The following ANKHD1 variants were observed in gnomAD, a reference collection of about 807,000 sequenced individuals.
The protein encoded by ANKHD1 is ankyrin repeat and KH domain containing 1, also known as ankyrin repeat and KH domain-containing protein 1.
A neutral mutation model predicts 230.5 loss-of-function variants in ANKHD1; 31 were observed. The ratio of observed to expected loss-of-function variants is 0.13; its 90% CI spans 0.10 to 0.18. ANKHD1 has a LOEUF of 0.18. Among genes scored for constraint, ANKHD1 ranks in the 10% least tolerant of loss-of-function variants. The pLI, the probability that ANKHD1 is intolerant of heterozygous loss-of-function variation, is 1.00. For missense variants in ANKHD1, 2,256 were observed against 3,071.3 expected (o/e 0.73, Z 6.27); for synonymous variants, 1,074 against 1,117.6 (o/e 0.96, Z 0.78).
At chr5:140,461,754 T>C (rs896290167) in intron 9 of ANKHD1, among the ~76,000 whole-genome samples, 2 of 152,184 alleles carry the variant, frequency 1.3e-5, no homozygotes, top group Non-Finnish European at 2.9e-5. Flanking sequence ...GTGTTAATAT[T>C]CAGTATTTAA....
intron 1 of ANKHD1, among the ~76,000 whole-genome samples, chr5:140,422,021 T>C (rs1169466098): frequency 6.6e-6 from 1 of 152,196 alleles, no homozygotes; most frequent in Non-Finnish European, 1.5e-5. Flanking sequence ...TCTTGGTTAA[T>C]TTGGGGTAGG....
intron 1 of ANKHD1, among the ~76,000 whole-genome samples, chr5:140,402,652 C>G (rs1581189674): frequency 6.6e-6 from 1 of 152,326 alleles, no homozygotes; most frequent in African/African-American, 2.4e-5. Context: ...AGAGCTGGTG[C>G]AAAGATCGTT....
intron 15 of ANKHD1, among the ~76,000 whole-genome samples, chr5:140,497,616 G>A (rs576492300): frequency 2.6e-5 from 4 of 152,244 alleles, no homozygotes; most frequent in Admixed American, 2.0e-4. Flanking sequence ...AGAAGTATTC[G>A]TATAAGATTA....
Position 140,401,892 on chromosome 5 carries a change from C to T in ANKHD1, c.-76C>T, listed in dbSNP as rs748933154. On this transcript the variant is annotated 5_prime_UTR_variant, in exon 1 of 34. Transcript: ENST00000360839. ...AAGGAGACGCTTCTTCCTCTTGCTG[C>T]TCTTCTCGTTCCCGAGATCAGCGGC... The T allele has an allele frequency of 5.4e-6, 8 of 1,490,680 alleles. No homozygotes were observed. The African/African-American group carries it at 5.9e-5, about 11-fold the overall frequency. 92.3% of individuals were successfully genotyped at this position (1,490,680 alleles called of 1,614,324 possible). A position where few individuals can be genotyped will look rare whatever the true frequency, so the allele number is the denominator to read the frequency against.
At chr5:140,416,225 G>C (rs900944955) in intron 1 of ANKHD1, among the ~76,000 whole-genome samples, 2 of 152,146 alleles carry the variant, frequency 1.3e-5, no homozygotes, top group Admixed American at 1.3e-4. Context: ...CTTTGCTATT[G>C]TGAATAGTGC....
chr5:140,496,512 G>C lies in ANKHD1; in HGVS notation c.2246-8G>C. 3 of 601,958 alleles carry C rather than the reference G, an allele frequency of 5.0e-6. No individual in the cohort carries two copies. Among genetic ancestry groups the C allele is most frequent in the Non-Finnish European group, 6.7e-6 (3 of 446,356 alleles). The allele number at this position is 601,958 out of a possible 1,614,324, so 37.3% of individuals were successfully genotyped here. On this transcript the variant is annotated splice_polypyrimidine_tract_variant and splice_region_variant and intron_variant, in intron 14 of 33. Transcript: ENST00000360839. ...TGGCACTCTTTCAAACATTTTTCAT[G>C]TGCTTAGGTACATCCAAGCAGAAGT...
At chr5:140,531,580 GAA>G (rs961355207) in intron 29 of ANKHD1, among the ~76,000 whole-genome samples, 1 of 143,750 alleles carries the variant, frequency 7.0e-6, no homozygotes, top group Non-Finnish European at 1.5e-5. Flanking sequence ...AGACTGTCAG[GAA>G]AAAAAAAAAG....
At chr5:140,535,700 A>G (rs1754035715) in intron 30 of ANKHD1, 162 bp downstream of exon 30, 14 of 1,071,466 alleles carry the variant, frequency 1.3e-5, no homozygotes, top group East Asian at 3.2e-5. Context: ...CATTTTTAGC[A>G]TAGAAAACTT....
intron 11 of ANKHD1, 127 bp downstream of exon 11, chr5:140,482,794 T>C: frequency 1.0e-6 from 1 of 967,246 alleles, no homozygotes; most frequent in Non-Finnish European, 1.5e-6. Flanking sequence ...CCTTTTGTTA[T>C]TATATTTTAT....
intron 10 of ANKHD1, among the ~76,000 whole-genome samples, chr5:140,468,897 A>AT (rs1776295272): frequency 6.6e-6 from 1 of 152,178 alleles, no homozygotes; most frequent in African/African-American, 2.4e-5. Flanking sequence ...ATAGGGATAA[A>AT]TTCCTGGAAG....
intron 1 of ANKHD1, among the ~76,000 whole-genome samples, chr5:140,419,454 C>CTTTTTTTTT (rs144115557): frequency 1.0e-3 from 136 of 131,622 alleles, no homozygotes; most frequent in African/African-American, 1.3e-3. Flanking sequence ...TTCTTTCTTT[C>CTTTTTTTTT]TTTTTTTTTT....
intron 2 of ANKHD1, among the ~76,000 whole-genome samples, chr5:140,438,208 TAGGTAG>T (rs977043448): frequency 1.3e-5 from 2 of 152,186 alleles, no homozygotes; most frequent in African/African-American, 4.8e-5. Context: ...ACATGTGGAT[TAGGTAG>T]AGGACAAATT....
At chr5:140,479,909 CCT>C (rs1751192860) in intron 10 of ANKHD1, among the ~76,000 whole-genome samples, 1 of 145,598 alleles carries the variant, frequency 6.9e-6, no homozygotes, top group South Asian at 2.2e-4. Flanking sequence ...TCAATGTACT[CCT>C]ATATATATAC....
chr5:140,442,214 T>C (rs970532734), intron 5 of ANKHD1, among the ~76,000 whole-genome samples: 12 of 151,820 alleles, frequency 7.9e-5, no homozygotes, highest in African/African-American at 2.9e-4. Flanking sequence ...TAATTTTTTG[T>C]ACTTTTTTAG....
At chr5:140,530,847 T>TGACC (rs1753780128) in intron 29 of ANKHD1, among the ~76,000 whole-genome samples, 4 of 152,402 alleles carry the variant, frequency 2.6e-5, no homozygotes, top group Admixed American at 1.3e-4. Context: ...TTGTTGCTAA[T>TGACC]TATAAACTGA....
intron 15 of ANKHD1, among the ~76,000 whole-genome samples, chr5:140,504,470 A>G (rs773471200): frequency 6.6e-6 from 1 of 152,146 alleles, no homozygotes; most frequent in African/African-American, 2.4e-5. Flanking sequence ...CCTGTTGGCA[A>G]TGCAAAAAGC....
chr5:140,456,215 A>G (rs1391555272), intron 7 of ANKHD1, among the ~76,000 whole-genome samples: 1 of 152,264 alleles, frequency 6.6e-6, no homozygotes, highest in African/African-American at 2.4e-5. Flanking sequence ...AAAAGAGGAT[A>G]CAAACAAATG....
chr5:140,449,153 A>G (rs937710145), intron 6 of ANKHD1, 58 bp from the exon 7 acceptor site: 16 of 1,501,296 alleles, frequency 1.1e-5, no homozygotes, highest in African/African-American at 5.6e-5. Flanking sequence ...CCATACCTCA[A>G]TATTTAAATA....
At chr5:140,412,512 A>T (rs1771021593) in intron 1 of ANKHD1, among the ~76,000 whole-genome samples, 1 of 152,176 alleles carries the variant, frequency 6.6e-6, no homozygotes, top group South Asian at 2.1e-4. Context: ...AGCATAAGAG[A>T]GTGTACCACT....
Sources: allele counts gnomAD v4.1 joint callset (sites outside exome capture counted in the v4.1 genomes callset), GRCh38; gene constraint gnomAD v4.1.1; transcripts MANE v1.5; gene names NCBI Gene and HGNC (gene_info 2026-07-23, HGNC 2026-07-21).